PINX1: variants seen among roughly 807,000 people sequenced by gnomAD.
The protein encoded by PINX1 is PIN2 (TERF1) interacting telomerase inhibitor 1.
In PINX1, 34 loss-of-function variants were observed where a neutral mutation model predicts 25.4. The observed-to-expected ratio is 1.34, with a 90% confidence interval of 1.02 to 1.78. The LOEUF is 1.78. Ranked by LOEUF, PINX1 falls within the 40% of genes most tolerant of loss-of-function variation. The pLI, the probability that PINX1 is intolerant of heterozygous loss-of-function variation, is 0.00. For synonymous variants in PINX1, 197 were observed against 147.7 expected, an observed-to-expected ratio of 1.33 and a Z score of -2.42; for missense variants, 592 against 404.9, an observed-to-expected ratio of 1.46 and a Z score of -3.97.
At chr8:10,800,001 A>G (rs1176908304) in intron 6 of PINX1, among the ~76,000 whole-genome samples, 1 of 152,208 alleles carries the variant, frequency 6.6e-6, no homozygotes, top group Non-Finnish European at 1.5e-5. Context: ...ACAAGGGCAG[A>G]GCCGAGACTG....
Position 10,765,708 on chromosome 8 carries a change from T to G in PINX1, c.680A>C (p.Tyr227Ser). 2.5e-6 allele frequency: 4 copies of G among 1,613,992 alleles called. No homozygotes were observed. Among genetic ancestry groups the G allele is most frequent in the Non-Finnish European group, 3.4e-6 (4 of 1,179,882 alleles). ...GTGCCTCTTGGCCTTAGGCTGGAGG[T>G]AACTTTCCACATCTTTACCTGTGGC... Reference protein sequence around the residue: ...KEATGKDVESYLQPKAKRHTE... With the variant: ...KEATGKDVESSLQPKAKRHTE... The change falls in exon 7 of 7, where the codon TAC becomes TCC. Residue 227 changes from tyrosine to serine, a missense_variant. Coordinates refer to ENST00000314787, the MANE Select transcript of PINX1 (RefSeq NM_017884.6).
intron 5 of PINX1, among the ~76,000 whole-genome samples, chr8:10,823,631 C>A (rs955633594): frequency 6.6e-6 from 1 of 151,996 alleles, no homozygotes; most frequent in Non-Finnish European, 1.5e-5. Context: ...ATTATAAACT[C>A]AGGACCAGGG....
chr8:10,816,735 C>T (rs1360335309), intron 6 of PINX1, among the ~76,000 whole-genome samples: 1 of 152,230 alleles, frequency 6.6e-6, no homozygotes, highest in Non-Finnish European at 1.5e-5. Flanking sequence ...TAACTAACCC[C>T]CTTCAATGTA....
intron 6 of PINX1, among the ~76,000 whole-genome samples, chr8:10,800,811 T>C (rs1415821944): frequency 6.6e-6 from 1 of 152,116 alleles, no homozygotes; most frequent in East Asian, 1.9e-4. Context: ...TAGCCCCAAA[T>C]GAAAAAGGAC....
chr8:10,806,539 A>C (rs1802458699), intron 6 of PINX1, among the ~76,000 whole-genome samples: 1 of 152,172 alleles, frequency 6.6e-6, no homozygotes, highest in Non-Finnish European at 1.5e-5. Flanking sequence ...GGATGAGAAA[A>C]GGGTTTGTTA....
At chr8:10,818,783 T>C (rs879433196) in intron 6 of PINX1, among the ~76,000 whole-genome samples, 11 of 151,720 alleles carry the variant, frequency 7.3e-5, no homozygotes, top group Admixed American at 2.0e-4. Flanking sequence ...GCAAAGGAGA[T>C]GGAGTTCAAG....
chr8:10,769,471 G>A (rs1176352133), intron 6 of PINX1, among the ~76,000 whole-genome samples: 1 of 152,128 alleles, frequency 6.6e-6, no homozygotes, highest in Non-Finnish European at 1.5e-5. Context: ...GATGACTCTG[G>A]AGCACCTGTT....
chr8:10,804,307 TA>T (rs1353318846), intron 6 of PINX1, among the ~76,000 whole-genome samples: 2 of 152,110 alleles, frequency 1.3e-5, no homozygotes, highest in African/African-American at 2.4e-5. Flanking sequence ...AAGAATTTAA[TA>T]AAAACCTGCC....
intron 6 of PINX1, among the ~76,000 whole-genome samples, chr8:10,787,980 T>A (rs1563210255): frequency 6.6e-6 from 1 of 152,252 alleles, no homozygotes; most frequent in Non-Finnish European, 1.5e-5. Flanking sequence ...GAACATTGAC[T>A]GGATTTGATG....
rs1476709019 is a variant in PINX1 at position 10,839,825 on chromosome 8, C to A, written c.-69G>T. On this transcript the variant is annotated 5_prime_UTR_variant, in exon 1 of 7. Coordinates refer to ENST00000314787, the MANE Select transcript of PINX1 (RefSeq NM_017884.6). ...GCGGCCACTGGGCGGGCTGGAGACT[C>A]CAGGAGAATCAGGACGTGCGTAACT... The A allele has an allele frequency of 5.4e-6, 8 of 1,476,316 alleles. No homozygotes were observed. Among genetic ancestry groups the A allele is most frequent in the Admixed American group, 3.9e-5 (2 of 50,728 alleles). The allele number at this position is 1,476,316 out of a possible 1,614,324, so 91.5% of individuals were successfully genotyped here. A position where few individuals can be genotyped will look rare whatever the true frequency, so the allele number is the denominator to read the frequency against.
At chr8:10,797,650 G>C (rs918075273) in intron 6 of PINX1, among the ~76,000 whole-genome samples, 1 of 152,042 alleles carries the variant, frequency 6.6e-6, no homozygotes, top group Non-Finnish European at 1.5e-5. Context: ...GACCACCAGG[G>C]GTGCCTGAAA....
In PINX1 at chr8:10,834,453, G is replaced by C. The variant is rs967211797; in HGVS notation, c.129+213C>G. On this transcript the variant is annotated intron_variant, in intron 2 of 6. Coordinates refer to ENST00000314787, the MANE Select transcript of PINX1 (RefSeq NM_017884.6). ...TAGCCTAGTTGCAATGTCTATGAAA[G>C]ATGCTAAGCATGGCAGCTTAAATGA... is the stretch of plus-strand genomic sequence containing the variant. The C allele has an allele frequency of 1.6e-5, 10 of 645,146 alleles. No individual in the cohort carries two copies. The East Asian group carries it at 1.8e-4, about 11-fold the overall frequency. 40.0% of individuals were successfully genotyped at this position (645,146 alleles called of 1,614,324 possible). A position where few individuals can be genotyped will look rare whatever the true frequency, so the allele number is the denominator to read the frequency against.
At chr8:10,810,600 A>C (rs139536180) in intron 6 of PINX1, among the ~76,000 whole-genome samples, 93 of 152,302 alleles carry the variant, frequency 6.1e-4, no homozygotes, top group Middle Eastern at 3.4e-3. Context: ...GGAAATATAA[A>C]AATTCCTGCC....
chr8:10,813,881 G>A (rs1405109388), intron 6 of PINX1, among the ~76,000 whole-genome samples: 3 of 150,574 alleles, frequency 2.0e-5, no homozygotes, highest in African/African-American at 4.9e-5. Context: ...AAGGAAACTG[G>A]GAAGGTGGGG....
At chr8:10,774,304 G>A (rs1407714172) in intron 6 of PINX1, among the ~76,000 whole-genome samples, 2 of 148,186 alleles carry the variant, frequency 1.3e-5, no homozygotes, top group African/African-American at 2.5e-5. Context: ...TTTTTGAGAC[G>A]GAGTTTCACT....
chr8:10,825,577 G>C (rs1411548727), intron 5 of PINX1: 1 of 413,630 alleles, frequency 2.4e-6, no homozygotes, highest in Non-Finnish European at 5.0e-6. Context: ...GGCTAGGGAG[G>C]TGGTGATGAA....
At chr8:10,799,125 G>A (rs1312335445) in intron 6 of PINX1, among the ~76,000 whole-genome samples, 1 of 149,770 alleles carries the variant, frequency 6.7e-6, no homozygotes, top group Admixed American at 6.6e-5. Context: ...TTAAAAAAAG[G>A]TTTTCTAGTT....
At chr8:10,773,147 GTGAC>G (rs1801282632) in intron 6 of PINX1, among the ~76,000 whole-genome samples, 1 of 152,290 alleles carries the variant, frequency 6.6e-6, no homozygotes, top group African/African-American at 2.4e-5. Flanking sequence ...AATCGGCTCT[GTGAC>G]TGTGAATACA....
At chr8:10,822,536 G>C (rs1797910212) in intron 5 of PINX1, among the ~76,000 whole-genome samples, 1 of 152,180 alleles carries the variant, frequency 6.6e-6, no homozygotes, top group South Asian at 2.1e-4. Context: ...TTTCAAGGAA[G>C]AACACTCTAT....
Sources: allele counts gnomAD v4.1 joint callset (sites outside exome capture counted in the v4.1 genomes callset), GRCh38; gene constraint gnomAD v4.1.1; transcripts MANE v1.5; gene names NCBI Gene and HGNC (gene_info 2026-07-23, HGNC 2026-07-21).